Variants in GSE1 observed in about 807,000 individuals in gnomAD.
The protein encoded by GSE1 is Gse1 coiled-coil protein.
A neutral mutation model predicts 112.6 loss-of-function variants in GSE1; 32 were observed. The observed-to-expected ratio is 0.28, with a 90% CI of 0.21 to 0.38. The LOEUF (loss-of-function observed/expected upper bound fraction) is 0.38. GSE1 is among the 10% of genes least tolerant of loss of function. GSE1 has a pLI of 1.00. For synonymous variants in GSE1, 1,115 were observed against 735.6 expected, an observed-to-expected ratio of 1.52 and a Z score of -8.35; for missense variants, 2,348 against 1,699.2, an observed-to-expected ratio of 1.38 and a Z score of -6.71.
At chr16:85,493,011 G>A (rs2051058382) in intron 2 of GSE1, among the ~76,000 whole-genome samples, 1 of 152,240 alleles carries the variant, frequency 6.6e-6, no homozygotes, top group Non-Finnish European at 1.5e-5. Context: ...AGAGCTCAGA[G>A]CTAGTGCAGG....
At chr16:85,648,027 G>C (rs1204795455) in intron 2 of GSE1, among the ~76,000 whole-genome samples, 1 of 151,952 alleles carries the variant, frequency 6.6e-6, no homozygotes, top group Non-Finnish European at 1.5e-5. Context: ...AGAGGCTTGG[G>C]GTCTCTGCTG....
chr16:85,461,846 C>A (rs1266344959), intron 2 of GSE1, among the ~76,000 whole-genome samples: 2 of 152,116 alleles, frequency 1.3e-5, no homozygotes, highest in Non-Finnish European at 2.9e-5. Context: ...TCCTCCCGGA[C>A]CTTCTCCCAG....
At chr16:85,597,373 CA>C (rs1165062872) in intron 1 of GSE1, among the ~76,000 whole-genome samples, 1,087 of 31,716 alleles carry the variant, frequency 0.034, 1 homozygote, top group African/African-American at 0.097. Flanking sequence ...GACTCTGTCT[CA>C]AAAAAAAAAA....
rs560356645 is a variant in GSE1, at chr16:85,634,095, G to C, written c.189G>C (p.Ala63=). ...CGCCATCCTCCAGCTTTGCCGCCGC[G>C]CTGCGCAAGCTCGCCAAACAGGCGG... ...QAAPSSSFAA[A]LRKLAKQAEE... is the part of the protein sequence containing the mutation. The change falls in exon 2 of 16, where the codon GCG becomes GCC. Residue 63 remains alanine, a synonymous_variant. Transcript: ENST00000253458. The C allele has an allele frequency of 4.4e-6, 7 of 1,580,696 alleles. No homozygotes were observed. In the East Asian group the frequency reaches 1.1e-4, roughly 26 times the overall value.
intron 1 of GSE1, among the ~76,000 whole-genome samples, chr16:85,257,189 A>G (rs1185331344): frequency 6.6e-6 from 1 of 152,034 alleles, no homozygotes; most frequent in Non-Finnish European, 1.5e-5. Flanking sequence ...GCCCACTGCA[A>G]CCTCCACCTC....
intron 2 of GSE1, among the ~76,000 whole-genome samples, chr16:85,641,002 C>T (rs1327553473): frequency 2.0e-5 from 3 of 152,266 alleles, no homozygotes; most frequent in Admixed American, 6.5e-5. Context: ...CCGCATAGCA[C>T]AGTGGGGAGC....
upstream of GSE1, chr16:85,555,283 C>T (rs983281302): frequency 2.0e-6 from 2 of 985,242 alleles, no homozygotes; most frequent in African/African-American, 3.5e-5. Flanking sequence ...CGCTCTCCTC[C>T]TGCCTCCTTC....
At chr16:85,453,875 C>T (rs1461638427) in intron 2 of GSE1, among the ~76,000 whole-genome samples, 2 of 152,206 alleles carry the variant, frequency 1.3e-5, no homozygotes, top group Non-Finnish European at 2.9e-5. Context: ...CTGAGGCATG[C>T]AGAGAGCAGA....
intron 1 of GSE1, among the ~76,000 whole-genome samples, chr16:85,199,971 C>G (rs544903133): frequency 1.3e-5 from 2 of 152,264 alleles, no homozygotes; most frequent in Admixed American, 6.5e-5. Flanking sequence ...GGCCAGAAGA[C>G]GCAGCCACCA....
chr16:85,613,508 C>T, intron 1 of GSE1, 110 bp downstream of exon 1: 1 of 1,025,494 alleles, frequency 9.8e-7, no homozygotes, highest in Non-Finnish European at 1.4e-6. Context: ...GGCTCCCGGG[C>T]AACTTCCCCG....
intron 2 of GSE1, among the ~76,000 whole-genome samples, chr16:85,534,593 G>A (rs80141489): frequency 6.6e-5 from 10 of 152,118 alleles, no homozygotes; most frequent in African/African-American, 2.2e-4. Flanking sequence ...CACTGTATGC[G>A]CGTACTACAT....
chr16:85,470,678 CA>C (rs2050266172), intron 2 of GSE1, among the ~76,000 whole-genome samples: 1 of 152,228 alleles, frequency 6.6e-6, no homozygotes, highest in Non-Finnish European at 1.5e-5. Context: ...GTCTCCTCCA[CA>C]GGGGTGAGCA....
In GSE1 at chr16:85,656,497, G is replaced by A. The variant is rs532185802; in HGVS notation, c.1144G>A (p.Glu382Lys). The A allele has an allele frequency of 7.1e-6, 11 of 1,545,904 alleles. No individual in the cohort carries two copies. The highest frequency in any genetic ancestry group is 1.8e-4 in the Middle Eastern group (1 of 5,672). The change falls in exon 7 of 16, where the codon GAG (glutamate) becomes AAG (lysine). Residue 382 changes from glutamate to lysine, a missense_variant. Transcript: ENST00000253458. ...EKEREREKERERELERQREQR... is the reference protein window; with the variant it reads ...EKEREREKERKRELERQREQR... Reference sequence around the variant, plus strand: ...GGAGCGTGAGCGTGAGAAGGAGCGCGAGCGCGAGCTGGAGCGCCAGCGGGA... The same window carrying A: ...GGAGCGTGAGCGTGAGAAGGAGCGCAAGCGCGAGCTGGAGCGCCAGCGGGA...
chr16:85,642,839 G>T (rs2050553550), intron 2 of GSE1, among the ~76,000 whole-genome samples: 1 of 152,306 alleles, frequency 6.6e-6, no homozygotes, highest in African/African-American at 2.4e-5. Context: ...CGGGTGCCCT[G>T]CCCTCCCCTT....
At chr16:85,641,645 G>C (rs575497720) in intron 2 of GSE1, among the ~76,000 whole-genome samples, 1 of 152,382 alleles carries the variant, frequency 6.6e-6, no homozygotes, top group Admixed American at 6.5e-5. Context: ...AGGTTTCCCA[G>C]CCTGTTCTTG....
At chr16:85,424,486 G>C (rs1597714869) in intron 2 of GSE1, among the ~76,000 whole-genome samples, 1 of 152,196 alleles carries the variant, frequency 6.6e-6, no homozygotes, top group African/African-American at 2.4e-5. Flanking sequence ...CAAGCCACAT[G>C]GGAACCCGCC....
intron 2 of GSE1, among the ~76,000 whole-genome samples, chr16:85,371,642 T>C (rs1426944731): frequency 1.3e-5 from 2 of 152,146 alleles, no homozygotes; most frequent in Non-Finnish European, 2.9e-5. Flanking sequence ...GGCACCCCTA[T>C]TGTACTGTGC....
At chr16:85,645,614 T>G (rs1472949039) in intron 2 of GSE1, among the ~76,000 whole-genome samples, 2 of 152,198 alleles carry the variant, frequency 1.3e-5, no homozygotes, top group Admixed American at 1.3e-4. Flanking sequence ...TTTGGCTGCC[T>G]GAGGCCTCTG....
intron 1 of GSE1, among the ~76,000 whole-genome samples, chr16:85,268,882 G>T (rs1164766271): frequency 6.7e-6 from 1 of 150,012 alleles, no homozygotes; most frequent in Non-Finnish European, 1.5e-5. Flanking sequence ...GGCCCTGAAG[G>T]ATGGGACCCA....
Sources: allele counts gnomAD v4.1 joint callset (sites outside exome capture counted in the v4.1 genomes callset), GRCh38; gene constraint gnomAD v4.1.1; transcripts MANE v1.5; gene names NCBI Gene and HGNC (gene_info 2026-07-23, HGNC 2026-07-21).